DPP10: variants seen among roughly 807,000 people sequenced by gnomAD.
DPP10 encodes dipeptidyl peptidase like 10.
A neutral mutation model predicts 120.9 loss-of-function variants in DPP10; 33 were observed. That is an observed-to-expected ratio of 0.27 (90% CI 0.21 to 0.37). The LOEUF (loss-of-function observed/expected upper bound fraction) is 0.37, where lower values mean the gene tolerates loss of function less well. Ranked by LOEUF, DPP10 falls within the 10% of genes least tolerant of loss-of-function variation. The probability of loss-of-function intolerance (pLI) is 1.00; values close to 1 mark genes in which losing one functional copy is unlikely to be tolerated. For missense variants in DPP10, 816 were observed against 942.8 expected (o/e 0.87, Z 1.76); for synonymous variants, 337 against 326.1 (o/e 1.03, Z -0.36).
chr2:114,582,313 G>A (rs1220886057), intron 1 of DPP10, among the ~76,000 whole-genome samples: 1 of 152,102 alleles, frequency 6.6e-6, no homozygotes, highest in African/African-American at 2.4e-5. Flanking sequence ...CCATTGTCTA[G>A]GTGCGCCATA....
At chr2:114,846,565 A>G (rs1230562171) in intron 1 of DPP10, among the ~76,000 whole-genome samples, 1 of 147,506 alleles carries the variant, frequency 6.8e-6, no homozygotes, top group Non-Finnish European at 1.5e-5. Context: ...TGTAAATTCC[A>G]TACTCAGATT....
At chr2:114,630,952 G>T (rs1694877079) in intron 1 of DPP10, among the ~76,000 whole-genome samples, 1 of 152,124 alleles carries the variant, frequency 6.6e-6, no homozygotes, top group African/African-American at 2.4e-5. Context: ...GAGCTAGGGT[G>T]CTGTTGCATT....
chr2:115,125,614 C>G (rs985503514), intron 1 of DPP10, among the ~76,000 whole-genome samples: 13 of 147,458 alleles, frequency 8.8e-5, no homozygotes, highest in Non-Finnish European at 1.8e-4. Context: ...CTCTGTCGCC[C>G]AGGCTGGAGT....
At chr2:114,561,610 T>A (rs1688771329) in intron 1 of DPP10, among the ~76,000 whole-genome samples, 1 of 151,954 alleles carries the variant, frequency 6.6e-6, no homozygotes, top group Non-Finnish European at 1.5e-5. Flanking sequence ...AGAGAAAAAA[T>A]CCACCTCCTC....
At chr2:114,647,041 A>C (rs993083918) in intron 1 of DPP10, among the ~76,000 whole-genome samples, 7 of 152,234 alleles carry the variant, frequency 4.6e-5, no homozygotes, top group African/African-American at 1.7e-4. Flanking sequence ...TTTCTGCTAC[A>C]CTGCCTTGCT....
chr2:115,218,825 A>C (rs1382546461), intron 1 of DPP10, among the ~76,000 whole-genome samples: 2 of 152,144 alleles, frequency 1.3e-5, no homozygotes, highest in African/African-American at 4.8e-5. Context: ...TTTGAACAGA[A>C]AATATTACTG....
chr2:115,005,282 A>C (rs953839143), intron 1 of DPP10, among the ~76,000 whole-genome samples: 2 of 152,242 alleles, frequency 1.3e-5, no homozygotes. Flanking sequence ...CCGAACAGAA[A>C]AACTGGAAAC....
At chr2:115,119,153 G>A (rs2049693411) in intron 1 of DPP10, among the ~76,000 whole-genome samples, 1 of 152,154 alleles carries the variant, frequency 6.6e-6, no homozygotes, top group African/African-American at 2.4e-5. Flanking sequence ...TAGTACTTAG[G>A]AGGGGCTGCA....
intron 3 of DPP10, among the ~76,000 whole-genome samples, chr2:115,453,654 T>A (rs946940494): frequency 1.3e-5 from 2 of 151,556 alleles, no homozygotes; most frequent in Admixed American, 6.6e-5. Flanking sequence ...TTTGGGGGAA[T>A]TTATAGTTTT....
chr2:114,734,685 T>C (rs1677248692), intron 1 of DPP10, among the ~76,000 whole-genome samples: 1 of 152,200 alleles, frequency 6.6e-6, no homozygotes. Flanking sequence ...AGTTTGACTC[T>C]TTTTGTCGGC....
Position 115,331,178 on chromosome 2 carries a change from C to T in DPP10, c.176-12639C>T, listed in dbSNP as rs546904600. Among the ~76,000 whole-genome samples the T allele has an allele frequency of 4.6e-5, 7 of 152,228 alleles. No homozygotes were observed. The East Asian group carries it at 9.7e-4, about 21-fold the overall frequency. On this transcript the variant is annotated intron_variant, in intron 2 of 25. Coordinates refer to ENST00000410059, the MANE Select transcript of DPP10 (RefSeq NM_020868.6). ...GTTGGATTCCTAGGTATTTTATTCTCTTTGAAGCAATTGTGAATGGGAGTT... is the reference window on the plus strand; with the variant it reads ...GTTGGATTCCTAGGTATTTTATTCTTTTTGAAGCAATTGTGAATGGGAGTT...
At chr2:114,954,241 C>T (rs776890050) in intron 1 of DPP10, among the ~76,000 whole-genome samples, 4 of 151,842 alleles carry the variant, frequency 2.6e-5, no homozygotes, top group Non-Finnish European at 4.4e-5. Flanking sequence ...CCACCACCCC[C>T]GGCTAACTTT....
intron 18 of DPP10, 31 bp downstream of exon 18, chr2:115,791,210 G>A (rs2149912768): frequency 6.2e-7 from 1 of 1,607,630 alleles, no homozygotes; most frequent in Non-Finnish European, 8.5e-7. Flanking sequence ...TGTTATTCAA[G>A]AACAACTTTC....
At position 114,651,744 on chromosome 2, in the gene DPP10, C is replaced by T. The variant is rs1435872; in HGVS notation, c.60+208906C>T. On this transcript the variant is annotated intron_variant, in intron 1 of 25. Coordinates refer to ENST00000410059, the MANE Select transcript of DPP10 (RefSeq NM_020868.6). ...ATGAAAAGAAAAAAATTCAACAATCCGCAACTGTTAGGAGATTTTAATATG... is the reference window on the plus strand; with the variant it reads ...ATGAAAAGAAAAAAATTCAACAATCTGCAACTGTTAGGAGATTTTAATATG... 8.3e-3 allele frequency among the ~76,000 whole-genome samples: 1,254 copies of T among 151,978 alleles called. 24 individuals carry two copies. Among genetic ancestry groups the T allele is most frequent in the African/African-American group, 0.029 (1,194 of 41,440 alleles).
At chr2:115,689,606 C>T (rs2091195820) in intron 5 of DPP10, 81 bp from the exon 6 acceptor site, 5 of 933,646 alleles carry the variant, frequency 5.4e-6, no homozygotes, top group East Asian at 2.7e-5. Flanking sequence ...CTTGGATTAC[C>T]TGGATGTTAC....
At chr2:115,512,198 T>G (rs1019658764) in intron 4 of DPP10, among the ~76,000 whole-genome samples, 2 of 152,094 alleles carry the variant, frequency 1.3e-5, no homozygotes, top group African/African-American at 2.4e-5. Flanking sequence ...TCTCCCAGGC[T>G]TAAGCAACCT....
intron 1 of DPP10, among the ~76,000 whole-genome samples, chr2:115,172,051 A>T (rs1023272500): frequency 7.9e-5 from 12 of 152,220 alleles, no homozygotes; most frequent in Admixed American, 7.8e-4. Context: ...AACTGCTGAT[A>T]TCTACACACA....
At chr2:114,619,529 T>TATC (rs1041353740) in intron 1 of DPP10, among the ~76,000 whole-genome samples, 1 of 151,940 alleles carries the variant, frequency 6.6e-6, no homozygotes, top group Non-Finnish European at 1.5e-5. Flanking sequence ...ATAAGAATTC[T>TATC]ATCTTGTCTC....
intron 1 of DPP10, among the ~76,000 whole-genome samples, chr2:115,010,531 G>T (rs1047210572): frequency 6.6e-6 from 1 of 151,942 alleles, no homozygotes; most frequent in African/African-American, 2.4e-5. Context: ...GTCAAATTGA[G>T]ATATATATAT....
Sources: allele counts gnomAD v4.1 joint callset (sites outside exome capture counted in the v4.1 genomes callset), GRCh38; gene constraint gnomAD v4.1.1; transcripts MANE v1.5; gene names NCBI Gene and HGNC (gene_info 2026-07-23, HGNC 2026-07-21).